Variants in TIMM23 observed in about 807,000 individuals in gnomAD.
TIMM23 encodes the protein translocase of inner mitochondrial membrane 23, also known as mitochondrial import inner membrane translocase subunit Tim23.
In TIMM23, 19 loss-of-function variants were observed where a neutral mutation model predicts 30.7. The ratio of observed to expected loss-of-function variants is 0.62; its 90% CI spans 0.43 to 0.91. The LOEUF is 0.91. Among genes scored for constraint, TIMM23 ranks in the 40% least tolerant of loss-of-function variants. The probability of loss-of-function intolerance (pLI) is 0.00; values close to 1 mark genes in which losing one functional copy is unlikely to be tolerated. For missense variants in TIMM23, 202 were observed against 269.2 expected (o/e 0.75, Z 1.75); for synonymous variants, 78 against 98.5 (o/e 0.79, Z 1.23).
Position 45,983,269 on chromosome 10 carries a change from C to T in TIMM23, c.344+339C>T, listed in dbSNP as rs1450406403. 2.0e-5 allele frequency among the ~76,000 whole-genome samples: 3 copies of T among 152,014 alleles called. No homozygotes were observed. The East Asian group carries it at 5.8e-4, about 29-fold the overall frequency. ...GAATTTTGGATTGTTTGGGGGCATG[C>T]AGATCCATAGGAAATGGTAATGAAG... On this transcript the variant is annotated intron_variant, in intron 4 of 6. Transcript: ENST00000580018.
chr10:46,003,687 C>A lies in TIMM23; in HGVS notation c.*369C>A. On this transcript the variant is annotated 3_prime_UTR_variant, in exon 7 of 7. Transcript: ENST00000580018. ...AATGATCCAAAACTGTAATGTTGCA[C>A]TGTATTCCAAATAAAGGGTAAAAAC... 1 of 163,334 alleles carries A rather than the reference C, an allele frequency of 6.1e-6. No individual in the cohort carries two copies. Among genetic ancestry groups the A allele is most frequent in the Non-Finnish European group, 1.3e-5 (1 of 75,162 alleles). The allele number at this position is 163,334 out of a possible 1,614,324, so 10.1% of individuals were successfully genotyped here.
rs1345713012 is a variant in TIMM23, at chr10:45,980,880, C to T, written c.166-1643C>T. Among the ~76,000 whole-genome samples, 47 of 147,808 alleles carry T rather than the reference C, an allele frequency of 3.2e-4. 1 individual carries two copies. The highest frequency in any genetic ancestry group is 1.0e-3 in the African/African-American group (41 of 40,412). ...TAGCAGGAGAATGAGTTGGTGCTAA[C>T]GTGCACTTTTGCTTGCTTGATAATG... On this transcript the variant is annotated intron_variant, in intron 2 of 6. Coordinates refer to ENST00000580018, the MANE Select transcript of TIMM23 (RefSeq NM_006327.4).
In TIMM23 at chr10:45,988,769, G is replaced by A; in HGVS notation, c.436G>A (p.Glu146Lys). The change falls in exon 6 of 7, where the codon GAG (glutamate) becomes AAG (lysine). Residue 146 changes from glutamate to lysine, a missense_variant. Physicochemically the swap from Glu to Lys is moderately conservative, Grantham distance 56 (BLOSUM62 1). Transcript: ENST00000580018. ...CTATAGTGCATTTGGTGTCATCATT[G>A]AGAAAACACGAGGTGCAGAAGATGA... is the stretch of plus-strand genomic sequence containing the variant. ...LLYSAFGVII[E>K]KTRGAEDDLN... 5 of 1,613,812 alleles carry A rather than the reference G, an allele frequency of 3.1e-6. No individual in the cohort carries two copies. Among genetic ancestry groups the A allele is most frequent in the Non-Finnish European group, 4.2e-6 (5 of 1,179,812 alleles).
At chr10:45,996,821 C>T (rs1838348909) in intron 6 of TIMM23, among the ~76,000 whole-genome samples, 1 of 151,642 alleles carries the variant, frequency 6.6e-6, no homozygotes, top group African/African-American at 2.4e-5. Flanking sequence ...AAAAATTAGC[C>T]GGGCTTGGTG....
chr10:45,986,515 A>C (rs1362619800), intron 5 of TIMM23, among the ~76,000 whole-genome samples: 19 of 148,850 alleles, frequency 1.3e-4, no homozygotes, highest in Admixed American at 3.5e-4. Context: ...GCTCGTGATC[A>C]GTTTCAGTTA....
At chr10:46,000,425 G>T (rs1554917492) in intron 6 of TIMM23, among the ~76,000 whole-genome samples, 1 of 152,146 alleles carries the variant, frequency 6.6e-6, no homozygotes, top group Non-Finnish European at 1.5e-5. Context: ...TCACCATGTT[G>T]CCCACGCTGG....
chr10:46,002,810 A>ATTTTTTTTTTT lies in TIMM23; in HGVS notation c.515-379_515-369dup, dbSNP rs386371331. On this transcript the variant is annotated intron_variant, in intron 6 of 6. Transcript: ENST00000580018. ...TAAAATGGTCTCTCCATTTCATAGTATTTTTTTTTTTTTTTTTTTTTTTTG... is the reference window on the plus strand; with the variant it reads ...TAAAATGGTCTCTCCATTTCATAGTATTTTTTTTTTTTTTTTTTTTTTTTTTTTTTTTTTTG... 7.4e-5 allele frequency among the ~76,000 whole-genome samples: 7 copies of ATTTTTTTTTTT among 95,066 alleles called. 1 individual carries two copies. Among genetic ancestry groups the ATTTTTTTTTTT allele is most frequent in the East Asian group, 3.4e-4 (1 of 2,966 alleles). 62.4% of individuals were successfully genotyped at this position (95,066 alleles called of 152,430 possible).
At chr10:45,994,183 A>AG (rs1838256566) in intron 6 of TIMM23, among the ~76,000 whole-genome samples, 1 of 151,956 alleles carries the variant, frequency 6.6e-6, no homozygotes, top group African/African-American at 2.4e-5. Flanking sequence ...CTACTAAAAT[A>AG]CAAAAACCAG....
At chr10:45,976,471 C>T (rs587732573) in intron 2 of TIMM23, among the ~76,000 whole-genome samples, 24 of 148,428 alleles carry the variant, frequency 1.6e-4, no homozygotes, top group African/African-American at 5.0e-4. Context: ...ATTAGCCAGG[C>T]GTGGTGGTGC....
intron 5 of TIMM23, among the ~76,000 whole-genome samples, chr10:45,986,043 G>A (rs1255469719): frequency 6.6e-6 from 1 of 152,150 alleles, no homozygotes; most frequent in Non-Finnish European, 1.5e-5. Context: ...CTTATGTCCT[G>A]ACATCCAAAA....
At chr10:45,994,869 CA>C (rs1264333257) in intron 6 of TIMM23, among the ~76,000 whole-genome samples, 6 of 152,282 alleles carry the variant, frequency 3.9e-5, no homozygotes, top group African/African-American at 1.4e-4. Flanking sequence ...TGCCTAAGGT[CA>C]TTTCCAAATC....
At chr10:45,996,263 G>A (rs1448786057) in intron 6 of TIMM23, among the ~76,000 whole-genome samples, 1 of 144,500 alleles carries the variant, frequency 6.9e-6, no homozygotes, top group African/African-American at 2.8e-5. Flanking sequence ...TAGGGAGGCT[G>A]AGACAGGAGA....
At chr10:46,002,153 A>G (rs1838559336) in intron 6 of TIMM23, among the ~76,000 whole-genome samples, 1 of 152,022 alleles carries the variant, frequency 6.6e-6, no homozygotes, top group Admixed American at 6.6e-5. Context: ...GGTCACCAGC[A>G]TCTAACTCAA....
chr10:46,002,469 G>A (rs530788770), intron 6 of TIMM23: 16 of 983,174 alleles, frequency 1.6e-5, no homozygotes, highest in Admixed American at 1.2e-4. Flanking sequence ...ATGCCTGGCC[G>A]TCACTAATCT....
At position 45,999,958 on chromosome 10, in the gene TIMM23, G is replaced by C. The variant is rs1347971158; in HGVS notation, c.515-3245G>C. On this transcript the variant is annotated intron_variant, in intron 6 of 6. Coordinates refer to ENST00000580018, the MANE Select transcript of TIMM23 (RefSeq NM_006327.4). ...GATATTTCTCCCATTTGCTTTTGAAGGAAGAACAGTATGGCTCTGTTCCAC... is the reference window on the plus strand; with the variant it reads ...GATATTTCTCCCATTTGCTTTTGAACGAAGAACAGTATGGCTCTGTTCCAC... 4.6e-5 allele frequency among the ~76,000 whole-genome samples: 7 copies of C among 152,326 alleles called. 1 individual carries two copies. Among genetic ancestry groups the C allele is most frequent in the African/African-American group, 1.7e-4 (7 of 41,572 alleles).
intron 6 of TIMM23, 46 bp downstream of exon 6, chr10:45,988,893 G>A: frequency 1.3e-6 from 2 of 1,586,674 alleles, no homozygotes; most frequent in South Asian, 2.2e-5. Flanking sequence ...CACTTGAAGT[G>A]CGCTTTTTAA....
intron 5 of TIMM23, among the ~76,000 whole-genome samples, chr10:45,986,160 T>G (rs1351224543): frequency 2.0e-5 from 3 of 152,208 alleles, no homozygotes; most frequent in Admixed American, 6.5e-5. Flanking sequence ...GCGTTTGTTA[T>G]GGCAGGGTAA....
chr10:45,981,393 C>A (rs1307487301), intron 2 of TIMM23, among the ~76,000 whole-genome samples: 108 of 150,392 alleles, frequency 7.2e-4, no homozygotes, highest in Admixed American at 3.5e-3. Flanking sequence ...CAGTTTAATA[C>A]TAAGTCATTA....
chr10:45,992,390 G>T (rs1276711237), intron 6 of TIMM23: 1 of 455,804 alleles, frequency 2.2e-6, no homozygotes, highest in Non-Finnish European at 4.4e-6. Context: ...CTCTTTGAGG[G>T]TCTTATGAAA....
Sources: allele counts gnomAD v4.1 joint callset (sites outside exome capture counted in the v4.1 genomes callset), GRCh38; gene constraint gnomAD v4.1.1; transcripts MANE v1.5; gene names NCBI Gene and HGNC (gene_info 2026-07-23, HGNC 2026-07-21).